CFAP20DC: variants seen among roughly 807,000 people sequenced by gnomAD.
The protein encoded by CFAP20DC is CFAP20 domain containing.
A neutral mutation model predicts 101.7 loss-of-function variants in CFAP20DC; 84 were observed. The ratio of observed to expected loss-of-function variants is 0.83; its 90% CI spans 0.69 to 0.99. The LOEUF is 0.99. CFAP20DC is among the 50% of genes least tolerant of loss of function. The pLI is 0.00. For missense variants in CFAP20DC, 1,007 were observed against 970.3 expected (o/e 1.04, Z -0.50); for synonymous variants, 359 against 351.2 (o/e 1.02, Z -0.25).
intron 4 of CFAP20DC, among the ~76,000 whole-genome samples, chr3:59,038,099 G>A (rs915289523): frequency 6.6e-6 from 1 of 152,068 alleles, no homozygotes; most frequent in Non-Finnish European, 1.5e-5. Context: ...ACACAGGGAG[G>A]GGAACATCAC....
At chr3:58,966,951 A>G (rs2091594729) in intron 4 of CFAP20DC, among the ~76,000 whole-genome samples, 1 of 152,210 alleles carries the variant, frequency 6.6e-6, no homozygotes, top group African/African-American at 2.4e-5. Context: ...CACTCCACAA[A>G]TGATCTACAG....
At chr3:58,848,500 G>GA (rs1211152559) in intron 13 of CFAP20DC, among the ~76,000 whole-genome samples, 19 of 152,240 alleles carry the variant, frequency 1.2e-4, no homozygotes, top group African/African-American at 4.3e-4. Flanking sequence ...ATACAGGAAG[G>GA]AAAAAATCAA....
At position 58,759,616 on chromosome 3, in the gene CFAP20DC, A is replaced by G. The variant is rs182786889; in HGVS notation, c.2238-5753T>C. Reference sequence around the variant, plus strand: ...AGACATGAAGTCCTTGCCCATGCCTATGTCCTGGATGGTATTGCCTAGGTT... The same window carrying G: ...AGACATGAAGTCCTTGCCCATGCCTGTGTCCTGGATGGTATTGCCTAGGTT... On this transcript the variant is annotated intron_variant, in intron 15 of 16. Transcript: ENST00000482387. 6.6e-3 allele frequency among the ~76,000 whole-genome samples: 1,011 copies of G among 152,246 alleles called. 14 individuals are homozygous for G. The highest frequency in any genetic ancestry group is 0.023 in the African/African-American group (958 of 41,526).
intron 15 of CFAP20DC, among the ~76,000 whole-genome samples, chr3:58,776,578 C>A (rs1482615558): frequency 6.6e-6 from 1 of 150,832 alleles, no homozygotes; most frequent in Non-Finnish European, 1.5e-5. Flanking sequence ...ATTTACTGTT[C>A]TTTGTTGAAG....
chr3:58,960,308 C>CA (rs201366699), intron 4 of CFAP20DC, among the ~76,000 whole-genome samples: 2,453 of 151,330 alleles, frequency 0.016, 69 homozygotes, highest in African/African-American at 0.056. Flanking sequence ...GCCTGACCAA[C>CA]ATGGAGAAAC....
intron 13 of CFAP20DC, among the ~76,000 whole-genome samples, chr3:58,843,469 A>T (rs1309453529): frequency 1.3e-5 from 2 of 151,322 alleles, no homozygotes; most frequent in Admixed American, 6.6e-5. Context: ...GAGAAAAAAG[A>T]ATAAAAAGAA....
At chr3:58,743,111 G>A (rs2107138937) in intron 16 of CFAP20DC, among the ~76,000 whole-genome samples, 1 of 152,308 alleles carries the variant, frequency 6.6e-6, no homozygotes, top group South Asian at 2.1e-4. Flanking sequence ...CAGGTGATTT[G>A]TAGTTTTATT....
intron 12 of CFAP20DC, 140 bp from the exon 13 acceptor site, chr3:58,849,549 A>G: frequency 1.5e-6 from 1 of 651,550 alleles, no homozygotes; most frequent in Non-Finnish European, 2.5e-6. Context: ...TTAATCTGCA[A>G]AGAAAAACAT....
chr3:59,040,050 T>G (rs1414268444), intron 3 of CFAP20DC, among the ~76,000 whole-genome samples: 1 of 151,918 alleles, frequency 6.6e-6, no homozygotes, highest in African/African-American at 2.4e-5. Context: ...CTAAACAACT[T>G]AATAAAAAAC....
At chr3:58,831,977 G>A (rs2076425267) in intron 13 of CFAP20DC, 88 bp from the exon 14 acceptor site, 1 of 1,140,474 alleles carries the variant, frequency 8.8e-7, no homozygotes, top group Non-Finnish European at 1.3e-6. Flanking sequence ...CCCTACAGCA[G>A]CTCCCCCAAC....
intron 4 of CFAP20DC, among the ~76,000 whole-genome samples, chr3:58,979,088 C>A (rs956431093): frequency 6.6e-6 from 1 of 152,194 alleles, no homozygotes; most frequent in Non-Finnish European, 1.5e-5. Context: ...AAGATTGATT[C>A]TTTGCAGCCA....
intron 4 of CFAP20DC, among the ~76,000 whole-genome samples, chr3:58,940,670 C>T (rs529893750): frequency 3.9e-5 from 6 of 152,288 alleles, no homozygotes; most frequent in Admixed American, 2.6e-4. Context: ...ACCAATAATA[C>T]ACTATCTTGA....
intron 4 of CFAP20DC, among the ~76,000 whole-genome samples, chr3:58,966,643 C>A (rs1440354236): frequency 6.6e-6 from 1 of 151,674 alleles, no homozygotes; most frequent in East Asian, 1.9e-4. Context: ...CCTACCTCAG[C>A]CTCCCGAGTA....
chr3:58,800,089 G>A (rs1380491444), intron 15 of CFAP20DC, among the ~76,000 whole-genome samples: 1 of 152,146 alleles, frequency 6.6e-6, no homozygotes, highest in Non-Finnish European at 1.5e-5. Context: ...GGGCTTCCAG[G>A]GCCCCAAAAG....
At chr3:58,906,989 A>C (rs979523320) in intron 6 of CFAP20DC, among the ~76,000 whole-genome samples, 6 of 152,130 alleles carry the variant, frequency 3.9e-5, no homozygotes, top group Middle Eastern at 3.2e-3. Flanking sequence ...AGTATCTCCT[A>C]AACAGTGGCT....
intron 14 of CFAP20DC, among the ~76,000 whole-genome samples, chr3:58,809,706 G>C (rs1424966574): frequency 1.3e-5 from 2 of 152,114 alleles, no homozygotes; most frequent in African/African-American, 2.4e-5. Context: ...TAAAATCAGA[G>C]CAGGACTGAG....
At chr3:59,039,465 C>T in intron 4 of CFAP20DC, 92 bp downstream of exon 4, 1 of 716,700 alleles carries the variant, frequency 1.4e-6, no homozygotes, top group Non-Finnish European at 2.3e-6. Flanking sequence ...AATGCAAAAA[C>T]TGTCACTTGC....
At chr3:58,926,481 G>C (rs2085988509) in intron 5 of CFAP20DC, among the ~76,000 whole-genome samples, 1 of 152,108 alleles carries the variant, frequency 6.6e-6, no homozygotes, top group African/African-American at 2.4e-5. Flanking sequence ...ATGAATTCTA[G>C]GTTAGAATGA....
At chr3:58,794,427 A>G in intron 15 of CFAP20DC, 1 of 432,478 alleles carries the variant, frequency 2.3e-6, no homozygotes, top group South Asian at 1.6e-5. Flanking sequence ...TTTTGCCTTC[A>G]AGTCATCTTA....
Sources: allele counts gnomAD v4.1 joint callset (sites outside exome capture counted in the v4.1 genomes callset), GRCh38; gene constraint gnomAD v4.1.1; transcripts MANE v1.5; gene names NCBI Gene and HGNC (gene_info 2026-07-23, HGNC 2026-07-21).